The following FBXW7 variants were observed in gnomAD, a reference collection of about 807,000 sequenced individuals.
FBXW7 encodes F-box and WD repeat domain containing 7, also known as F-box/WD repeat-containing protein 7.
A neutral mutation model predicts 86.3 loss-of-function variants in FBXW7; 11 were observed. The observed-to-expected ratio is 0.13, with a 90% CI of 0.08 to 0.21. The LOEUF (loss-of-function observed/expected upper bound fraction) is 0.21. Ranked by LOEUF, FBXW7 falls within the 10% of genes least tolerant of loss-of-function variation. The probability of loss-of-function intolerance (pLI) is 1.00; values close to 1 mark genes in which losing one functional copy is unlikely to be tolerated. For missense variants in FBXW7, 488 were observed against 847.4 expected (o/e 0.58, Z 5.27); for synonymous variants, 313 against 297.9 (o/e 1.05, Z -0.52).
At chr4:152,517,862 G>C (rs983736591) in intron 2 of FBXW7, among the ~76,000 whole-genome samples, 4 of 152,192 alleles carry the variant, frequency 2.6e-5, no homozygotes, top group Non-Finnish European at 5.9e-5. Flanking sequence ...TAGACTTAAA[G>C]TCTGAAAATC....
At chr4:152,534,720 A>G (rs1436875720) in intron 2 of FBXW7, among the ~76,000 whole-genome samples, 1 of 151,988 alleles carries the variant, frequency 6.6e-6, no homozygotes, top group Admixed American at 6.5e-5. Flanking sequence ...TGGAGAAAAG[A>G]CTCCTCCGAC....
rs887467193 is a variant in FBXW7 at position 152,346,845 on chromosome 4, T to C, written c.726+85A>G. Reference sequence around the variant, plus strand: ...ATCCACAGTATACTATGTAACAGTGTTTCCTTCTTTTTTTACGGATGAATA... The same window carrying C: ...ATCCACAGTATACTATGTAACAGTGCTTCCTTCTTTTTTTACGGATGAATA... On this transcript the variant is annotated intron_variant, in intron 6 of 13. Coordinates refer to ENST00000281708, the MANE Select transcript of FBXW7 (RefSeq NM_001349798.2). The C allele has an allele frequency of 9.7e-6, 15 of 1,553,546 alleles. No homozygotes were observed. The African/African-American group carries it at 1.4e-4, about 14-fold the overall frequency.
At chr4:152,489,002 G>A (rs972452542) in intron 2 of FBXW7, among the ~76,000 whole-genome samples, 1 of 152,076 alleles carries the variant, frequency 6.6e-6, no homozygotes, top group East Asian at 1.9e-4. Context: ...ATAGTATAAA[G>A]AATATAATTA....
At chr4:152,472,206 T>A (rs919643548) in intron 2 of FBXW7, among the ~76,000 whole-genome samples, 1 of 152,090 alleles carries the variant, frequency 6.6e-6, no homozygotes, top group Non-Finnish European at 1.5e-5. Context: ...AAATGTATAA[T>A]AATATAATAC....
intron 2 of FBXW7, among the ~76,000 whole-genome samples, chr4:152,421,735 G>A (rs1738961413): frequency 6.6e-6 from 1 of 151,942 alleles, no homozygotes; most frequent in African/African-American, 2.4e-5. Flanking sequence ...GCCACTGTAG[G>A]GTTATTAATT....
intron 4 of FBXW7, among the ~76,000 whole-genome samples, chr4:152,410,041 C>T (rs1223346520): frequency 6.6e-6 from 1 of 152,082 alleles, no homozygotes; most frequent in Non-Finnish European, 1.5e-5. Flanking sequence ...GATGACTTTT[C>T]CTTTTGGAAA....
intron 2 of FBXW7, among the ~76,000 whole-genome samples, chr4:152,506,423 G>A (rs1579380699): frequency 1.3e-5 from 2 of 152,178 alleles, no homozygotes; most frequent in African/African-American, 2.4e-5. Context: ...GAGCCACCGC[G>A]CCCGGCCATG....
intron 4 of FBXW7, chr4:152,352,803 C>A: frequency 6.3e-7 from 1 of 1,576,912 alleles, no homozygotes; most frequent in South Asian, 1.2e-5. Flanking sequence ...TTGGAGGAGA[C>A]TATGCCCTGT....
intron 4 of FBXW7, chr4:152,353,075 T>G: frequency 1.0e-5 from 10 of 953,232 alleles, no homozygotes; most frequent in Non-Finnish European, 1.3e-5. Context: ...AAAACCTGCA[T>G]TTTTGAAGAG....
chr4:152,500,644 T>C (rs1005700994), intron 2 of FBXW7, among the ~76,000 whole-genome samples: 3 of 151,894 alleles, frequency 2.0e-5, no homozygotes, highest in African/African-American at 7.3e-5. Context: ...ATGAGGAAAC[T>C]AGCTTCCCCA....
intron 7 of FBXW7, among the ~76,000 whole-genome samples, chr4:152,334,889 C>T (rs1729915951): frequency 6.6e-6 from 1 of 151,904 alleles, no homozygotes; most frequent in Non-Finnish European, 1.5e-5. Flanking sequence ...AACATCTAAG[C>T]AATACAGAAA....
chr4:152,323,399 A>C, intron 13 of FBXW7: 1 of 526,886 alleles, frequency 1.9e-6, no homozygotes, highest in Non-Finnish European at 3.4e-6. Context: ...GCTACCAGAC[A>C]AACATCTTAT....
intron 2 of FBXW7, among the ~76,000 whole-genome samples, chr4:152,516,061 C>G (rs187614565): frequency 1.1e-3 from 162 of 152,218 alleles, no homozygotes; most frequent in African/African-American, 3.2e-3. Context: ...GGAGGAGAAC[C>G]CAGAGCCTCA....
rs148645778 is a variant in FBXW7 at position 152,496,900 on chromosome 4, A to G, written c.-120+38041T>C. Among the ~76,000 whole-genome samples, 258 of 152,368 alleles carry G rather than the reference A, an allele frequency of 1.7e-3. 6 individuals carry two copies. The East Asian group carries it at 0.041, about 24-fold the overall frequency. On this transcript the variant is annotated intron_variant, in intron 2 of 13. Transcript: ENST00000281708. Reference sequence around the variant, plus strand: ...TTCACCTTATCAGATAACAAGATTTATATCAAAACTATTAAAATTAACACA... The same window carrying G: ...TTCACCTTATCAGATAACAAGATTTGTATCAAAACTATTAAAATTAACACA...
At chr4:152,420,535 C>T (rs967609828) in intron 2 of FBXW7, among the ~76,000 whole-genome samples, 7 of 152,052 alleles carry the variant, frequency 4.6e-5, no homozygotes, top group African/African-American at 1.2e-4. Context: ...GGAATCACTG[C>T]GGCAGCTACA....
In FBXW7 at chr4:152,324,412, T is replaced by C; in HGVS notation, c.1645-18A>G. The C allele has an allele frequency of 6.5e-7, 1 of 1,548,756 alleles. No individual in the cohort carries two copies. The highest frequency in any genetic ancestry group is 8.8e-7 in the Non-Finnish European group (1 of 1,138,960). On this transcript the variant is annotated intron_variant, in intron 12 of 13. Transcript: ENST00000281708. ...CCATCAAACTACAAAAGACACAGTT[T>C]ATTAGAATAGAAGTATGGATACTCT...
At chr4:152,482,017 A>T (rs1744927493) in intron 2 of FBXW7, among the ~76,000 whole-genome samples, 1 of 152,216 alleles carries the variant, frequency 6.6e-6, no homozygotes, top group African/African-American at 2.4e-5. Context: ...TGGGTAAAAC[A>T]CTATTAAACA....
At chr4:152,357,573 A>G (rs985027235) in intron 4 of FBXW7, among the ~76,000 whole-genome samples, 38 of 152,068 alleles carry the variant, frequency 2.5e-4, no homozygotes, top group African/African-American at 8.2e-4. Flanking sequence ...CGCCCGCCTC[A>G]GCCTCCCAAG....
intron 10 of FBXW7, chr4:152,329,166 C>T (rs1729324226): frequency 6.6e-6 from 1 of 151,898 alleles, no homozygotes; most frequent in African/African-American, 2.4e-5. Flanking sequence ...TGGGCTTTTT[C>T]TTCAAACTTA....
Sources: gnomAD v4.1 joint callset for allele counts (sites outside exome capture counted in the v4.1 genomes callset) on GRCh38, gnomAD v4.1.1 for gene constraint, MANE v1.5 for transcripts, NCBI Gene and HGNC (gene_info 2026-07-23, HGNC 2026-07-21) for gene names.